Variants in PHF3 observed in about 807,000 individuals in gnomAD.
PHF3 encodes PHD finger protein 3.
A neutral mutation model predicts 178.4 loss-of-function variants in PHF3; 41 were observed. That is an observed-to-expected ratio of 0.23 (90% confidence interval 0.18 to 0.30). The LOEUF (loss-of-function observed/expected upper bound fraction) is 0.30, where lower values mean the gene tolerates loss of function less well. Among genes scored for constraint, PHF3 ranks in the 10% least tolerant of loss-of-function variants. PHF3 has a pLI of 1.00. For synonymous variants in PHF3, 842 were observed against 800.5 expected (o/e 1.05, Z -0.88); for missense variants, 2,346 against 2,398.1 (o/e 0.98, Z 0.45).
chr6:63,643,454 T>C (rs544993667), intron 1 of PHF3, among the ~76,000 whole-genome samples: 1 of 152,286 alleles, frequency 6.6e-6, no homozygotes, highest in Admixed American at 6.5e-5. Flanking sequence ...TTTATAACAA[T>C]TTTCCTTAAA....
rs77193327 is a variant in PHF3 at position 63,709,128 on chromosome 6, CTTTT to C, written c.3712-12_3712-9del. ...AAAGATAATCTATATATATTGATCT[CTTTT>C]TTTTTTTTTTAACCATAGGACCTAC... is the stretch of plus-strand genomic sequence containing the variant. On this transcript the variant is annotated intron_variant, in intron 13 of 15. Coordinates refer to ENST00000262043, the MANE Select transcript of PHF3 (RefSeq NM_001370348.2). 2.0e-4 allele frequency: 223 copies of C among 1,101,984 alleles called. No individual in the cohort carries two copies. Among genetic ancestry groups the C allele is most frequent in the South Asian group, 3.8e-4 (26 of 68,348 alleles). The allele number at this position is 1,101,984 out of a possible 1,614,324, so 68.3% of individuals were successfully genotyped here.
At position 63,698,220 on chromosome 6, in the gene PHF3, T is replaced by G; in HGVS notation, c.2681-3T>G. 6.2e-7 allele frequency: 1 copy of G among 1,601,478 alleles called. No homozygotes were observed. The highest frequency in any genetic ancestry group is 8.5e-7 in the Non-Finnish European group (1 of 1,172,458). ...AATGAGTTTCGATATTTATTCAAAT[T>G]AGGTACTCATGAGAAGCAAGAGATG... On this transcript the variant is annotated splice_polypyrimidine_tract_variant and splice_region_variant and intron_variant, in intron 6 of 15. Transcript: ENST00000262043.
At chr6:63,702,886 AT>A (rs1344068182) in intron 10 of PHF3, among the ~76,000 whole-genome samples, 1 of 151,872 alleles carries the variant, frequency 6.6e-6, no homozygotes, top group African/African-American at 2.4e-5. Flanking sequence ...ATTTCTTTTT[AT>A]TTTTTGGTGG....
chr6:63,708,954 C>T, intron 13 of PHF3, among the ~76,000 whole-genome samples, 197 bp from the exon 14 acceptor site: 1 of 152,168 alleles, frequency 6.6e-6, no homozygotes. Flanking sequence ...AGGCAACAGT[C>T]ATTTGTAGTT....
At chr6:63,639,071 A>G (rs73439234) in intron 1 of PHF3, among the ~76,000 whole-genome samples, 90 of 152,282 alleles carry the variant, frequency 5.9e-4, no homozygotes, top group African/African-American at 1.4e-3. Context: ...AGGAATTGCT[A>G]TATGTGTGGA....
rs1396280323 is a variant in PHF3 at position 63,685,302 on chromosome 6, G to A, written c.1580G>A (p.Ser527Asn). The A allele has an allele frequency of 1.1e-5, 18 of 1,613,898 alleles. No individual in the cohort carries two copies. The highest frequency in any genetic ancestry group is 1.5e-5 in the Non-Finnish European group (18 of 1,179,994). ...AGCAAAACTAAAGTTAATGTCAAAA[G>A]TGTGAAACGAAATACTGATGTACCA... ...IHSKTKVNVK[S>N]VKRNTDVPES... Residue 527 changes from serine (S) to asparagine (N), a missense_variant, in exon 4 of 16, where the codon AGT becomes AAT. By Grantham distance (46) the Ser-to-Asn change is conservative. Transcript: ENST00000262043.
In PHF3 at chr6:63,694,778, C is replaced by T; in HGVS notation, c.2680+14C>T. The T allele has an allele frequency of 7.1e-7, 1 of 1,403,344 alleles. No individual in the cohort carries two copies. Among genetic ancestry groups the T allele is most frequent in the Non-Finnish European group, 9.4e-7 (1 of 1,065,610 alleles). 86.9% of individuals were successfully genotyped at this position (1,403,344 alleles called of 1,614,324 possible). On this transcript the variant is annotated intron_variant, in intron 6 of 15. Coordinates refer to ENST00000262043, the MANE Select transcript of PHF3 (RefSeq NM_001370348.2). Reference sequence around the variant, plus strand: ...CTTCAAAACCAGGTAGTGAGATGAACAGAAAAAATTATATACTAATATATT... The same window carrying T: ...CTTCAAAACCAGGTAGTGAGATGAATAGAAAAAATTATATACTAATATATT...
At chr6:63,658,951 A>G (rs1483892347) in intron 2 of PHF3, among the ~76,000 whole-genome samples, 1 of 152,100 alleles carries the variant, frequency 6.6e-6, no homozygotes, top group African/African-American at 2.4e-5. Flanking sequence ...GGGGACCTCC[A>G]TTTTTGTCTC....
chr6:63,704,730 G>A (rs1767618847), intron 11 of PHF3, among the ~76,000 whole-genome samples: 1 of 152,104 alleles, frequency 6.6e-6, no homozygotes, highest in African/African-American at 2.4e-5. Context: ...TTGTGTGGAT[G>A]TGTTTTCAGC....
chr6:63,702,393 T>C (rs961325664), intron 9 of PHF3, 115 bp from the exon 10 acceptor site: 1 of 649,868 alleles, frequency 1.5e-6, no homozygotes, highest in African/African-American at 1.8e-5. Context: ...TACCTTAAGA[T>C]TAAAAGTCAT....
intron 9 of PHF3, among the ~76,000 whole-genome samples, chr6:63,701,162 A>G (rs1767458137): frequency 6.6e-6 from 1 of 152,216 alleles, no homozygotes; most frequent in African/African-American, 2.4e-5. Context: ...TCTCTTATCC[A>G]AAGTTTCAAA....
chr6:63,641,121 A>T (rs555950621), intron 1 of PHF3, among the ~76,000 whole-genome samples: 2 of 152,196 alleles, frequency 1.3e-5, no homozygotes, highest in Non-Finnish European at 2.9e-5. Flanking sequence ...TGTTTTTGGT[A>T]AGCATGCCTG....
Position 63,711,999 on chromosome 6 carries a change from C to G in PHF3, c.4411C>G (p.Gln1471Glu). 6.2e-7 allele frequency: 1 copy of G among 1,613,736 alleles called. No individual in the cohort carries two copies. Among genetic ancestry groups the G allele is most frequent in the Admixed American group, 1.7e-5 (1 of 59,964 alleles). Residue 1471 changes from glutamine (Q) to glutamate (E), a missense_variant, in exon 16 of 16, where the codon CAA becomes GAA. This residue lies in a region of PHF3 where 839 missense variants were observed against 806.9 expected (regional missense o/e 1.04). Coordinates refer to ENST00000262043, the MANE Select transcript of PHF3 (RefSeq NM_001370348.2). ...ACCTCTTCCTGTGGATGATATACTT[C>G]AAAGCCTTTTGGGCACCACTGGTCA... is the stretch of plus-strand genomic sequence containing the variant. ...NKPLPVDDIL[Q>E]SLLGTTGQVY... is the part of the protein sequence containing the mutation.
rs1013735540 is a variant in PHF3 at position 63,718,239 on chromosome 6, T to G, written c.*4531T>G. Among the ~76,000 whole-genome samples, 1 of 152,036 alleles carries G rather than the reference T, an allele frequency of 6.6e-6. No homozygotes were observed. Among genetic ancestry groups the G allele is most frequent in the African/African-American group, 2.4e-5 (1 of 41,442 alleles). ...TCAATGATGAGCAAAATGGGAAAGT[T>G]CCAATTTTGTGGAGATTACAGGTAG... On this transcript the variant is annotated 3_prime_UTR_variant, in exon 16 of 16. Coordinates refer to ENST00000262043, the MANE Select transcript of PHF3 (RefSeq NM_001370348.2).
chr6:63,698,144 T>G (rs1021858435), intron 6 of PHF3, 79 bp from the exon 7 acceptor site: 10 of 1,168,154 alleles, frequency 8.6e-6, no homozygotes, highest in Non-Finnish European at 1.2e-5. Context: ...TTAATCAGTT[T>G]TGTTTGTAAA....
At chr6:63,696,408 C>A (rs1419274960) in intron 6 of PHF3, among the ~76,000 whole-genome samples, 1 of 152,182 alleles carries the variant, frequency 6.6e-6, no homozygotes, top group African/African-American at 2.4e-5. Context: ...CAGCCTTGAA[C>A]TCCTGGGCTC....
chr6:63,704,908 TC>T (rs903244050), intron 11 of PHF3, among the ~76,000 whole-genome samples: 1 of 152,224 alleles, frequency 6.6e-6, no homozygotes, highest in African/African-American at 2.4e-5. Flanking sequence ...GAATGAGAGT[TC>T]CTGTTGCTCT....
intron 13 of PHF3, among the ~76,000 whole-genome samples, chr6:63,708,498 T>G (rs770121113): frequency 1.5e-4 from 23 of 152,184 alleles, no homozygotes; most frequent in Admixed American, 3.3e-4. Context: ...AATCAAATAT[T>G]TTAAAGTAGT....
In PHF3 at chr6:63,719,757, AT is replaced by A. The variant is rs1768300968; in HGVS notation, c.*6055del. On this transcript the variant is annotated 3_prime_UTR_variant, in exon 16 of 16. Transcript: ENST00000262043. The stretch of plus-strand genomic sequence containing the variant: ...AGCAGTTAAACACAAATTAAGGTTA[AT>A]TTTTTAATTTGATCAGTTAATATGA... Among the ~76,000 whole-genome samples the A allele has an allele frequency of 3.9e-5, 6 of 152,196 alleles. No individual in the cohort carries two copies. In the South Asian group the frequency reaches 1.2e-3, roughly 32 times the overall value.
Sources: gnomAD v4.1 joint callset for allele counts (sites outside exome capture counted in the v4.1 genomes callset) on GRCh38, gnomAD v4.1.1 for gene constraint, gnomAD v4.1.1 regional missense constraint, MANE v1.5 for transcripts, NCBI Gene and HGNC (gene_info 2026-07-23, HGNC 2026-07-21) for gene names.